Variants in GRIK2 observed in about 807,000 individuals in gnomAD.
The protein encoded by GRIK2 is glutamate receptor ionotropic, kainate 2.
GRIK2 carries 32 observed loss-of-function variants against 100.3 expected under a neutral mutation model. The ratio of observed to expected loss-of-function variants is 0.32; its 90% CI spans 0.24 to 0.43. GRIK2 has a LOEUF of 0.43. Ranked by LOEUF, GRIK2 falls within the 20% of genes least tolerant of loss-of-function variation. The pLI, the probability that GRIK2 is intolerant of heterozygous loss-of-function variation, is 1.00. For missense variants in GRIK2, 843 were observed against 1,114.9 expected (o/e 0.76, Z 3.47); for synonymous variants, 417 against 389.4 (o/e 1.07, Z -0.83).
At chr6:101,873,138 C>T (rs970990704) in intron 11 of GRIK2, among the ~76,000 whole-genome samples, 1 of 151,972 alleles carries the variant, frequency 6.6e-6, no homozygotes, top group East Asian at 1.9e-4. Flanking sequence ...GGTACATGTG[C>T]ACAACGTGCA....
rs879798374 is a variant in GRIK2, at chr6:101,567,939, TTGTAGA to T, written c.116-54003_116-53998del. Among the ~76,000 whole-genome samples the T allele has an allele frequency of 1.2e-4, 19 of 152,090 alleles. 1 individual carries two copies. Among genetic ancestry groups the T allele is most frequent in the African/African-American group, 3.9e-4 (16 of 41,558 alleles). Reference sequence around the variant, plus strand: ...TTTACCTTTTAAAATAATATGCCACTTGTAGATGTAGAATACAAAGGCAAATATTTA... The same window carrying T: ...TTTACCTTTTAAAATAATATGCCACTTGTAGAATACAAAGGCAAATATTTA... On this transcript the variant is annotated intron_variant, in intron 2 of 16. Transcript: ENST00000369134.
intron 2 of GRIK2, among the ~76,000 whole-genome samples, chr6:101,601,948 A>G (rs1233382180): frequency 1.3e-5 from 2 of 151,486 alleles, no homozygotes; most frequent in Non-Finnish European, 3.0e-5. Context: ...CTGTCTAATT[A>G]TAGTTATTTT....
At chr6:101,609,663 C>T (rs1006874778) in intron 2 of GRIK2, among the ~76,000 whole-genome samples, 3 of 151,770 alleles carry the variant, frequency 2.0e-5, no homozygotes, top group African/African-American at 7.3e-5. Flanking sequence ...ATTTCTTCTC[C>T]ATATTAGTGA....
chr6:102,068,135 T>C (rs1256526666), intron 16 of GRIK2, among the ~76,000 whole-genome samples: 3 of 151,844 alleles, frequency 2.0e-5, no homozygotes, highest in African/African-American at 7.2e-5. Flanking sequence ...CGGGTGGAGA[T>C]TTTCTTTAAA....
chr6:101,967,448 AAAAT>A (rs1293193930), intron 14 of GRIK2, among the ~76,000 whole-genome samples: 1 of 152,118 alleles, frequency 6.6e-6, no homozygotes, highest in Non-Finnish European at 1.5e-5. Flanking sequence ...GCACTTTTTA[AAAAT>A]AAATTATAAC....
intron 2 of GRIK2, 78 bp from the exon 3 acceptor site, chr6:101,621,871 C>T (rs1780180542): frequency 1.0e-6 from 1 of 980,032 alleles, no homozygotes; most frequent in Admixed American, 2.0e-5. Flanking sequence ...GTACAGAAAA[C>T]TTCTGATATT....
intron 7 of GRIK2, among the ~76,000 whole-genome samples, chr6:101,770,605 G>C (rs1171423948): frequency 6.6e-6 from 1 of 152,130 alleles, no homozygotes; most frequent in Non-Finnish European, 1.5e-5. Context: ...TTCCAATTTT[G>C]ATGTCAGTCT....
chr6:101,758,537 CTGTT>C (rs1777281902), intron 7 of GRIK2, among the ~76,000 whole-genome samples: 1 of 152,258 alleles, frequency 6.6e-6, no homozygotes, highest in South Asian at 2.1e-4. Context: ...AAAATCTCTG[CTGTT>C]TGTTTAATTG....
At chr6:101,902,581 T>C (rs1050449445) in intron 12 of GRIK2, among the ~76,000 whole-genome samples, 2 of 151,978 alleles carry the variant, frequency 1.3e-5, no homozygotes, top group Admixed American at 1.3e-4. Context: ...AGAGAAATTA[T>C]ACCAGGAAGA....
chr6:101,927,439 AG>A (rs1247989301), intron 13 of GRIK2: 1 of 160,786 alleles, frequency 6.2e-6, no homozygotes, highest in Non-Finnish European at 1.3e-5. Context: ...AAAAGTGAAC[AG>A]TAATATATGC....
chr6:101,527,821 T>C (rs2128283627), intron 2 of GRIK2, among the ~76,000 whole-genome samples: 1 of 152,306 alleles, frequency 6.6e-6, no homozygotes, highest in South Asian at 2.1e-4. Flanking sequence ...CTATCCACTC[T>C]TTTTCTCTAA....
At chr6:101,524,499 C>T (rs917798702) in intron 2 of GRIK2, among the ~76,000 whole-genome samples, 1 of 151,988 alleles carries the variant, frequency 6.6e-6, no homozygotes, top group African/African-American at 2.4e-5. Flanking sequence ...ACACATTGTG[C>T]TTCTAGTTCA....
At chr6:102,037,282 G>A (rs984678637) in intron 15 of GRIK2, among the ~76,000 whole-genome samples, 4 of 151,190 alleles carry the variant, frequency 2.6e-5, no homozygotes, top group African/African-American at 9.7e-5. Flanking sequence ...GGGGTTAATG[G>A]TGTAATTGGA....
intron 2 of GRIK2, among the ~76,000 whole-genome samples, chr6:101,448,567 A>T (rs1387998163): frequency 1.3e-5 from 2 of 151,608 alleles, no homozygotes; most frequent in East Asian, 1.9e-4. Context: ...ATATTAATGA[A>T]ATACTTGCAA....
intron 7 of GRIK2, among the ~76,000 whole-genome samples, chr6:101,761,823 T>TC (rs1280105758): frequency 1.4e-5 from 2 of 139,338 alleles, no homozygotes; most frequent in Admixed American, 7.1e-5. Flanking sequence ...CTTCTTTTCT[T>TC]TTCTTCCTTT....
intron 7 of GRIK2, among the ~76,000 whole-genome samples, chr6:101,698,164 TGA>T (rs1467899144): frequency 1.6e-5 from 1 of 62,492 alleles, no homozygotes; most frequent in Non-Finnish European, 5.4e-5. Flanking sequence ...ATCAAATTGT[TGA>T]TGCTTTTTTT....
rs1476803276 is a variant in GRIK2, at chr6:101,985,651, T to C, written c.2086-49690T>C. 5.3e-5 allele frequency among the ~76,000 whole-genome samples: 8 copies of C among 151,854 alleles called. No individual in the cohort carries two copies. The East Asian group carries it at 1.2e-3, about 22-fold the overall frequency. On this transcript the variant is annotated intron_variant, in intron 14 of 16. Coordinates refer to ENST00000369134, the MANE Select transcript of GRIK2 (RefSeq NM_021956.5). ...ACATAATACTCTTAGCCCTTAGTAATAGAGGTCAAAAGATAATCACTGGGT... is the reference window on the plus strand; with the variant it reads ...ACATAATACTCTTAGCCCTTAGTAACAGAGGTCAAAAGATAATCACTGGGT...
intron 14 of GRIK2, among the ~76,000 whole-genome samples, chr6:101,992,760 T>TA (rs1489093340): frequency 1.3e-5 from 2 of 151,444 alleles, no homozygotes; most frequent in Non-Finnish European, 3.0e-5. Flanking sequence ...ACTAAACTTT[T>TA]AAAAAATCAA....
intron 4 of GRIK2, among the ~76,000 whole-genome samples, chr6:101,658,960 T>C (rs553853834): frequency 9.8e-5 from 15 of 152,316 alleles, no homozygotes; most frequent in African/African-American, 3.4e-4. Flanking sequence ...AAAAATTTTC[T>C]CCCATTCTAT....
Sources: allele counts gnomAD v4.1 joint callset (sites outside exome capture counted in the v4.1 genomes callset), GRCh38; gene constraint gnomAD v4.1.1; transcripts MANE v1.5; gene names NCBI Gene and HGNC (gene_info 2026-07-23, HGNC 2026-07-21).